Variants in TMEM117 observed in about 807,000 individuals in gnomAD.
TMEM117 encodes transmembrane protein 117.
A neutral mutation model predicts 52.4 loss-of-function variants in TMEM117; 27 were observed. That is an observed-to-expected ratio of 0.51 (90% CI 0.38 to 0.71). The LOEUF (loss-of-function observed/expected upper bound fraction) is 0.71, where lower values mean the gene tolerates loss of function less well. TMEM117 is among the 30% of genes least tolerant of loss of function. The pLI, the probability that TMEM117 is intolerant of heterozygous loss-of-function variation, is 0.00. For missense variants in TMEM117, 556 were observed against 630.5 expected (o/e 0.88, Z 1.26); for synonymous variants, 215 against 206.3 (o/e 1.04, Z -0.36).
At chr12:44,234,230 T>C (rs1380026159) in intron 5 of TMEM117, among the ~76,000 whole-genome samples, 1 of 151,532 alleles carries the variant, frequency 6.6e-6, no homozygotes, top group Non-Finnish European at 1.5e-5. Flanking sequence ...GGACAAGAGC[T>C]TTTTCTATGA....
At chr12:43,867,356 A>G (rs1378579881) in intron 2 of TMEM117, among the ~76,000 whole-genome samples, 3 of 152,194 alleles carry the variant, frequency 2.0e-5, no homozygotes, top group African/African-American at 7.2e-5. Flanking sequence ...AGAAACCTAA[A>G]TAGGATGTAA....
the TMEM117 span, chr12:43,798,701 T>G: frequency 8.7e-7 from 1 of 1,151,200 alleles, no homozygotes; most frequent in African/African-American, 1.6e-5. Context: ...TGCTACCAGT[T>G]TAATATTAAA....
chr12:44,274,324 G>A (rs1292254906), intron 5 of TMEM117, among the ~76,000 whole-genome samples: 1 of 152,072 alleles, frequency 6.6e-6, no homozygotes, highest in Non-Finnish European at 1.5e-5. Flanking sequence ...AAAATGGAAA[G>A]AGAGTCCATG....
chr12:43,826,400 C>T, the TMEM117 span, among the ~76,000 whole-genome samples: 1 of 152,212 alleles, frequency 6.6e-6, no homozygotes, highest in South Asian at 2.1e-4. Context: ...GCTAGATCTA[C>T]TCCCCATATT....
At chr12:43,800,170 A>G in the TMEM117 span, among the ~76,000 whole-genome samples, 2 of 152,340 alleles carry the variant, frequency 1.3e-5, no homozygotes, top group Admixed American at 6.5e-5. Context: ...TTGTGTATAT[A>G]TGTGTAAATA....
chr12:44,057,003 A>ACT (rs2137942668), intron 3 of TMEM117, among the ~76,000 whole-genome samples: 1 of 136,130 alleles, frequency 7.3e-6, no homozygotes, highest in South Asian at 2.4e-4. Context: ...GTTGTCACTG[A>ACT]CTCTCTCAGA....
chr12:44,135,180 A>G (rs532868563), intron 3 of TMEM117, among the ~76,000 whole-genome samples: 77 of 152,256 alleles, frequency 5.1e-4, no homozygotes, highest in African/African-American at 1.7e-3. Context: ...ATTGGTTCTA[A>G]ATTACCAGAA....
intron 2 of TMEM117, among the ~76,000 whole-genome samples, chr12:43,875,653 T>G (rs1012207033): frequency 7.2e-5 from 11 of 152,224 alleles, no homozygotes; most frequent in Non-Finnish European, 1.6e-4. Flanking sequence ...ATTATCTAGC[T>G]GCCTAAAATT....
downstream of TMEM117, among the ~76,000 whole-genome samples, chr12:44,390,498 A>G (rs953316934): frequency 6.6e-6 from 1 of 152,184 alleles, no homozygotes; most frequent in African/African-American, 2.4e-5. Flanking sequence ...TAAAAATATT[A>G]TTTGAGAATT....
intron 3 of TMEM117, among the ~76,000 whole-genome samples, chr12:44,088,688 G>C (rs939343615): frequency 2.0e-5 from 3 of 152,170 alleles, no homozygotes; most frequent in Admixed American, 6.5e-5. Flanking sequence ...TCCTTAGATG[G>C]ATCTTAGGTA....
At chr12:44,124,253 G>A (rs929511217) in intron 3 of TMEM117, among the ~76,000 whole-genome samples, 1 of 152,136 alleles carries the variant, frequency 6.6e-6, no homozygotes, top group Non-Finnish European at 1.5e-5. Flanking sequence ...CATTGATTTT[G>A]TATCCTGAGA....
At chr12:44,091,920 T>C (rs1333911099) in intron 3 of TMEM117, among the ~76,000 whole-genome samples, 2 of 152,218 alleles carry the variant, frequency 1.3e-5, no homozygotes, top group Non-Finnish European at 2.9e-5. Flanking sequence ...ATGTTAGCTG[T>C]TCATTTCAAA....
intron 4 of TMEM117, among the ~76,000 whole-genome samples, chr12:44,174,507 C>T (rs1949091785): frequency 6.6e-6 from 1 of 152,112 alleles, no homozygotes; most frequent in African/African-American, 2.4e-5. Flanking sequence ...TAATATATAA[C>T]ATGATGATGA....
chr12:44,279,902 G>C (rs1041521490), intron 5 of TMEM117, among the ~76,000 whole-genome samples: 3 of 152,056 alleles, frequency 2.0e-5, no homozygotes, highest in African/African-American at 7.2e-5. Flanking sequence ...ACCTCTATGT[G>C]GTTTTTGGAG....
chr12:44,251,456 T>A (rs553752643), intron 5 of TMEM117, among the ~76,000 whole-genome samples: 1 of 152,314 alleles, frequency 6.6e-6, no homozygotes, highest in South Asian at 2.1e-4. Flanking sequence ...TAAGGGTAGC[T>A]TATAAGATGA....
chr12:44,311,716 AATATATATATGTAT>A (rs1950977497), intron 6 of TMEM117, among the ~76,000 whole-genome samples: 1 of 143,442 alleles, frequency 7.0e-6, no homozygotes, highest in Non-Finnish European at 1.5e-5. Context: ...GTTAATATTA[AATATATATATGTAT>A]ATATATATGT....
chr12:44,125,737 T>A (rs1237655572), intron 3 of TMEM117, among the ~76,000 whole-genome samples: 1 of 152,166 alleles, frequency 6.6e-6, no homozygotes, highest in Non-Finnish European at 1.5e-5. Context: ...TGATCTTGGT[T>A]ATTTCTTGTC....
At chr12:44,205,224 C>T (rs1222315329) in intron 4 of TMEM117, among the ~76,000 whole-genome samples, 2 of 152,126 alleles carry the variant, frequency 1.3e-5, no homozygotes, top group African/African-American at 2.4e-5. Context: ...GGGGCAGTTT[C>T]CCCCATACTG....
chr12:43,922,426 G>T (rs1161333313), intron 2 of TMEM117, among the ~76,000 whole-genome samples: 5 of 152,126 alleles, frequency 3.3e-5, no homozygotes, highest in Non-Finnish European at 2.9e-5. Flanking sequence ...GCCCTTATTT[G>T]TGCTTTTGGT....
Sources: gnomAD v4.1 joint callset for allele counts (sites outside exome capture counted in the v4.1 genomes callset) on GRCh38, gnomAD v4.1.1 for gene constraint, MANE v1.5 for transcripts, NCBI Gene and HGNC (gene_info 2026-07-23, HGNC 2026-07-21) for gene names.